Variants in CAPS2 observed in about 807,000 individuals in gnomAD.
CAPS2 encodes the protein calcyphosin-2.
CAPS2 carries 98 observed loss-of-function variants against 86.5 expected under a neutral mutation model. The ratio of observed to expected loss-of-function variants is 1.13; its 90% CI spans 0.96 to 1.34. The LOEUF (loss-of-function observed/expected upper bound fraction) is 1.34, where lower values mean the gene tolerates loss of function less well. Among genes scored for constraint, CAPS2 ranks in the 40% most tolerant of loss-of-function variants. The probability of loss-of-function intolerance (pLI) is 0.00; values close to 1 mark genes in which losing one functional copy is unlikely to be tolerated. For missense variants in CAPS2, 729 were observed against 686.8 expected, an observed-to-expected ratio of 1.06 and a Z score of -0.69; for synonymous variants, 210 against 225.1, an observed-to-expected ratio of 0.93 and a Z score of 0.60.
chr12:75,295,359 T>C (rs948106427), intron 11 of CAPS2, among the ~76,000 whole-genome samples: 5 of 152,220 alleles, frequency 3.3e-5, no homozygotes, highest in African/African-American at 1.2e-4. Flanking sequence ...AGCAAGATGC[T>C]GCACCACCAT....
At chr12:75,305,021 A>T (rs988679620) in intron 7 of CAPS2, 145 bp from the exon 8 acceptor site, 49 of 553,000 alleles carry the variant, frequency 8.9e-5, no homozygotes, top group Non-Finnish European at 1.3e-4. Flanking sequence ...TAAATTTATT[A>T]AAAAATATTT....
At chr12:75,381,702 C>T (rs891274387) in intron 1 of CAPS2, among the ~76,000 whole-genome samples, 4 of 150,656 alleles carry the variant, frequency 2.7e-5, no homozygotes, top group Admixed American at 6.6e-5. Context: ...GCAACCTCCG[C>T]CTCCCAGGTT....
At chr12:75,325,913 A>C (rs1394172333) in intron 1 of CAPS2, among the ~76,000 whole-genome samples, 3 of 152,136 alleles carry the variant, frequency 2.0e-5, no homozygotes, top group African/African-American at 7.2e-5. Flanking sequence ...GAAAGTAACA[A>C]ACATGTATGT....
exon 17 of CAPS2, chr12:75,277,225 T>A (rs1246136671): frequency 1.1e-5 from 8 of 712,820 alleles, no homozygotes; most frequent in Non-Finnish European, 1.4e-5. Flanking sequence ...TTTTTTTTTT[T>A]ACAGTATAAC....
At chr12:75,357,898 G>C (rs1367595907) in intron 1 of CAPS2, among the ~76,000 whole-genome samples, 1 of 149,694 alleles carries the variant, frequency 6.7e-6, no homozygotes, top group African/African-American at 2.4e-5. Context: ...AGAAAAAAAA[G>C]AACAGTCTCC....
At chr12:75,381,209 G>A (rs979619341) in intron 1 of CAPS2, among the ~76,000 whole-genome samples, 23 of 152,188 alleles carry the variant, frequency 1.5e-4, no homozygotes, top group Admixed American at 1.2e-3. Flanking sequence ...GGTTTATCAA[G>A]GGTTTCTGCT....
chr12:75,277,545 G>A, exon 17 of CAPS2: 1 of 933,700 alleles, frequency 1.1e-6, no homozygotes, highest in Non-Finnish European at 1.3e-6. Context: ...AAAGAATTTA[G>A]CCAGTGAAAA....
downstream of CAPS2, chr12:75,276,329 A>G (rs2032925632): frequency 1.1e-5 from 16 of 1,486,582 alleles, no homozygotes; most frequent in Non-Finnish European, 1.4e-5. Context: ...AGCATGTTAC[A>G]TAATCTGCAG....
At chr12:75,308,249 T>C (rs1011843804) in intron 7 of CAPS2, among the ~76,000 whole-genome samples, 4 of 152,174 alleles carry the variant, frequency 2.6e-5, no homozygotes, top group African/African-American at 9.7e-5. Context: ...ATTAGACTGA[T>C]TGCAGGCCAC....
intron 7 of CAPS2, among the ~76,000 whole-genome samples, chr12:75,310,208 A>G (rs2038993233): frequency 6.6e-6 from 1 of 152,234 alleles, no homozygotes; most frequent in Non-Finnish European, 1.5e-5. Context: ...AACATGAATT[A>G]CATGCCCCTA....
upstream of CAPS2, among the ~76,000 whole-genome samples, chr12:75,331,659 G>GT (rs1284279573): frequency 6.6e-6 from 1 of 151,104 alleles, no homozygotes; most frequent in African/African-American, 2.4e-5. Context: ...CGCCTCCCGG[G>GT]TTCACGCCAT....
intron 1 of CAPS2, among the ~76,000 whole-genome samples, chr12:75,346,179 T>C (rs1262753686): frequency 2.0e-5 from 3 of 152,222 alleles, no homozygotes; most frequent in Non-Finnish European, 4.4e-5. Context: ...TAAAATTTAA[T>C]GATGTAGTTA....
chr12:75,322,809 C>A, intron 4 of CAPS2: 2 of 538,108 alleles, frequency 3.7e-6, no homozygotes, highest in South Asian at 2.8e-5. Context: ...TTTAAAATAC[C>A]AATTTCCATG....
At chr12:75,289,335 ATATTT>A (rs2035448452) in intron 14 of CAPS2, among the ~76,000 whole-genome samples, 2 of 152,198 alleles carry the variant, frequency 1.3e-5, no homozygotes, top group African/African-American at 4.8e-5. Flanking sequence ...CACTGAATAC[ATATTT>A]TGTTTTATGT....
chr12:75,311,699 GGAAAAAAAA>G (rs1328281531), intron 7 of CAPS2, among the ~76,000 whole-genome samples: 1 of 16,994 alleles, frequency 5.9e-5, no homozygotes, highest in Non-Finnish European at 1.6e-4. Flanking sequence ...AAGCCATGCA[GGAAAAAAAA>G]AAACAAAAAA....
exon 17 of CAPS2, chr12:75,278,296 A>G: frequency 2.0e-6 from 2 of 983,746 alleles, no homozygotes; most frequent in Non-Finnish European, 2.4e-6. Flanking sequence ...AATGAGCATC[A>G]TGGGGTAAAC....
At chr12:75,366,792 G>A in intron 1 of CAPS2, 1 of 689,096 alleles carries the variant, frequency 1.5e-6, no homozygotes, top group Non-Finnish European at 2.6e-6. Context: ...TCTCTCTTCA[G>A]AGGTCTATCA....
At chr12:75,311,084 C>T (rs183215466) in intron 7 of CAPS2, among the ~76,000 whole-genome samples, 9 of 152,238 alleles carry the variant, frequency 5.9e-5, no homozygotes, top group Admixed American at 2.6e-4. Context: ...ACGTGAGCCT[C>T]GTAGGCTTCA....
At chr12:75,285,391 A>G (rs2138124982) in intron 14 of CAPS2, among the ~76,000 whole-genome samples, 1 of 152,148 alleles carries the variant, frequency 6.6e-6, no homozygotes, top group East Asian at 1.9e-4. Context: ...TGATATTTCA[A>G]TACATGTGTA....
Sources: gnomAD v4.1 joint callset for allele counts (sites outside exome capture counted in the v4.1 genomes callset) on GRCh38, gnomAD v4.1.1 for gene constraint, MANE v1.5 for transcripts, NCBI Gene and HGNC (gene_info 2026-07-23, HGNC 2026-07-21) for gene names.